PTPRD: variants seen among roughly 807,000 people sequenced by gnomAD.
PTPRD encodes receptor-type tyrosine-protein phosphatase delta.
PTPRD carries 34 observed loss-of-function variants against 214.5 expected under a neutral mutation model. The observed-to-expected ratio is 0.16, with a 90% confidence interval of 0.12 to 0.21. The LOEUF (loss-of-function observed/expected upper bound fraction) is 0.21, where lower values mean the gene tolerates loss of function less well. Among genes scored for constraint, PTPRD ranks in the 10% least tolerant of loss-of-function variants. PTPRD has a pLI of 1.00. For synonymous variants in PTPRD, 1,128 were observed against 845.7 expected (o/e 1.33, Z -5.79); for missense variants, 2,545 against 2,398.7 (o/e 1.06, Z -1.27).
intron 7 of PTPRD, among the ~76,000 whole-genome samples, chr9:9,636,124 T>C (rs775615701): frequency 3.3e-5 from 5 of 152,154 alleles, no homozygotes; most frequent in Non-Finnish European, 7.4e-5. Flanking sequence ...TTACAGGATA[T>C]TTTTCACGTG....
At chr9:9,535,692 T>G (rs554244898) in intron 8 of PTPRD, among the ~76,000 whole-genome samples, 1 of 152,204 alleles carries the variant, frequency 6.6e-6, no homozygotes, top group South Asian at 2.1e-4. Flanking sequence ...AGAAACAAGC[T>G]GAGCAGAAAT....
chr9:9,681,313 T>C (rs1205884185), intron 7 of PTPRD, among the ~76,000 whole-genome samples: 1 of 151,754 alleles, frequency 6.6e-6, no homozygotes, highest in East Asian at 1.9e-4. Context: ...TGATAAAATA[T>C]GGACTCAACT....
chr9:9,915,463 C>T (rs1340628233), intron 5 of PTPRD, among the ~76,000 whole-genome samples: 1 of 150,712 alleles, frequency 6.6e-6, no homozygotes, highest in Non-Finnish European at 1.5e-5. Context: ...TAAGAGAATA[C>T]AGATAAACAA....
intron 3 of PTPRD, among the ~76,000 whole-genome samples, chr9:10,234,610 T>C (rs1249982418): frequency 2.2e-5 from 3 of 139,510 alleles, no homozygotes; most frequent in Admixed American, 1.5e-4. Flanking sequence ...AGTAAAGAAA[T>C]GAAAACTTCT....
intron 8 of PTPRD, among the ~76,000 whole-genome samples, chr9:9,505,947 T>C (rs557841702): frequency 6.6e-6 from 1 of 151,398 alleles, no homozygotes; most frequent in African/African-American, 2.4e-5. Flanking sequence ...CTCTCATCCC[T>C]AAGTAGGCAG....
intron 11 of PTPRD, among the ~76,000 whole-genome samples, chr9:8,957,240 A>G (rs924816401): frequency 2.0e-5 from 3 of 151,676 alleles, no homozygotes; most frequent in African/African-American, 7.3e-5. Flanking sequence ...ATAGTCCCCA[A>G]ATTTTCTGGG....
chr9:9,441,662 T>A (rs1167120526), intron 8 of PTPRD, among the ~76,000 whole-genome samples: 1 of 152,146 alleles, frequency 6.6e-6, no homozygotes, highest in Non-Finnish European at 1.5e-5. Flanking sequence ...AAATTCTGAA[T>A]CAATGAGGCC....
At chr9:8,564,518 T>C (rs995380838) in intron 14 of PTPRD, among the ~76,000 whole-genome samples, 3 of 152,024 alleles carry the variant, frequency 2.0e-5, no homozygotes, top group African/African-American at 4.8e-5. Context: ...CAGGCCAACA[T>C]GGTGAAACCC....
intron 12 of PTPRD, among the ~76,000 whole-genome samples, chr9:8,645,430 A>C (rs72698297): frequency 6.6e-6 from 1 of 152,100 alleles, no homozygotes; most frequent in African/African-American, 2.4e-5. Context: ...AGTTCTTGAC[A>C]CTGATTAACT....
chr9:10,405,734 T>C (rs1029181138), intron 2 of PTPRD, among the ~76,000 whole-genome samples: 1 of 151,558 alleles, frequency 6.6e-6, no homozygotes, highest in African/African-American at 2.4e-5. Context: ...ACCAAAAGAA[T>C]AACTTCAACT....
intron 11 of PTPRD, among the ~76,000 whole-genome samples, chr9:8,844,593 T>A (rs1450194311): frequency 6.6e-6 from 1 of 152,216 alleles, no homozygotes; most frequent in Non-Finnish European, 1.5e-5. Context: ...AATAATCCAT[T>A]GTCTGCTCTA....
chr9:8,543,415 C>A (rs1322872631), intron 14 of PTPRD, among the ~76,000 whole-genome samples: 5 of 152,168 alleles, frequency 3.3e-5, no homozygotes, highest in South Asian at 2.1e-4. Flanking sequence ...AAGATTAATG[C>A]CCCTTCAATT....
chr9:9,934,435 AT>A (rs2088267381), intron 5 of PTPRD, among the ~76,000 whole-genome samples: 1 of 135,830 alleles, frequency 7.4e-6, no homozygotes. Context: ...CCATCAGAGA[AT>A]ACTACAAACG....
intron 7 of PTPRD, among the ~76,000 whole-genome samples, chr9:9,710,325 T>A (rs1442749330): frequency 1.3e-5 from 2 of 152,118 alleles, no homozygotes; most frequent in Non-Finnish European, 2.9e-5. Context: ...ACTCTAAAAT[T>A]TAGTCTTAAC....
At chr9:9,649,247 T>C (rs2096273348) in intron 7 of PTPRD, among the ~76,000 whole-genome samples, 1 of 152,192 alleles carries the variant, frequency 6.6e-6, no homozygotes, top group Non-Finnish European at 1.5e-5. Context: ...TCCAAGATGG[T>C]GTATTCCCAC....
chr9:9,375,012 A>G (rs2060412778), intron 9 of PTPRD, among the ~76,000 whole-genome samples: 1 of 152,212 alleles, frequency 6.6e-6, no homozygotes, highest in Admixed American at 6.6e-5. Context: ...CATGCTCTCA[A>G]TTACTAGAAC....
chr9:10,374,240 C>A (rs1426740851), intron 2 of PTPRD, among the ~76,000 whole-genome samples: 3 of 152,004 alleles, frequency 2.0e-5, no homozygotes, highest in African/African-American at 7.2e-5. Context: ...AATGCATAAA[C>A]AAGTAGAGGC....
intron 11 of PTPRD, among the ~76,000 whole-genome samples, chr9:8,810,044 C>A (rs1288212191): frequency 6.6e-6 from 1 of 152,138 alleles, no homozygotes; most frequent in Non-Finnish European, 1.5e-5. Context: ...CCAAGTGCTC[C>A]CCTAATGGAT....
intron 5 of PTPRD, among the ~76,000 whole-genome samples, chr9:9,897,564 C>G (rs1046084902): frequency 2.6e-5 from 4 of 151,822 alleles, no homozygotes; most frequent in Admixed American, 2.0e-4. Context: ...TTAAAATACC[C>G]CCATAGGAGT....
Sources: allele counts gnomAD v4.1 joint callset (sites outside exome capture counted in the v4.1 genomes callset), GRCh38; gene constraint gnomAD v4.1.1; transcripts MANE v1.5; gene names NCBI Gene and HGNC (gene_info 2026-07-23, HGNC 2026-07-21).